The following SGK1 variants were observed in gnomAD, a reference collection of about 807,000 sequenced individuals.
SGK1 encodes the protein serine/threonine-protein kinase Sgk1.
SGK1 carries 26 observed loss-of-function variants against 64.2 expected under a neutral mutation model. That is an observed-to-expected ratio of 0.40 (90% confidence interval 0.30 to 0.56). SGK1 has a LOEUF of 0.56. SGK1 is among the 20% of genes least tolerant of loss of function. The probability of loss-of-function intolerance (pLI) is 0.38; values close to 1 mark genes in which losing one functional copy is unlikely to be tolerated. For synonymous variants in SGK1, 265 were observed against 239.7 expected, an observed-to-expected ratio of 1.11 and a Z score of -0.98; for missense variants, 519 against 645.6, an observed-to-expected ratio of 0.80 and a Z score of 2.12.
chr6:134,277,183 G>A (rs549617901), intron 1 of SGK1, among the ~76,000 whole-genome samples: 2 of 152,140 alleles, frequency 1.3e-5, no homozygotes, highest in East Asian at 1.9e-4. Flanking sequence ...ATTAGCTGGT[G>A]TGGTAGTGGG....
intron 2 of SGK1, among the ~76,000 whole-genome samples, chr6:134,234,893 A>G (rs1776339670): frequency 6.6e-6 from 1 of 152,190 alleles, no homozygotes; most frequent in African/African-American, 2.4e-5. Context: ...AGATAAATAA[A>G]TAAGACTAAT....
chr6:134,287,410 A>G (rs1220342162), intron 1 of SGK1, among the ~76,000 whole-genome samples: 4 of 149,684 alleles, frequency 2.7e-5, no homozygotes, highest in Non-Finnish European at 4.4e-5. Flanking sequence ...GGTTGTATTT[A>G]TAAGATTAAT....
At chr6:134,171,550 G>A (rs1014848913) in intron 11 of SGK1, 87 bp downstream of exon 11, 9 of 916,768 alleles carry the variant, frequency 9.8e-6, no homozygotes, top group Non-Finnish European at 1.6e-5. Context: ...ACTGGTAAGG[G>A]CAAGACACCA....
chr6:134,185,843 G>A (rs1421981001), intron 3 of SGK1, among the ~76,000 whole-genome samples: 1 of 152,050 alleles, frequency 6.6e-6, no homozygotes, highest in Non-Finnish European at 1.5e-5. Context: ...AAGGCCAAAG[G>A]CTGGAGAACC....
intron 2 of SGK1, among the ~76,000 whole-genome samples, chr6:134,235,840 G>A (rs1008077599): frequency 1.3e-5 from 2 of 152,052 alleles, no homozygotes; most frequent in Non-Finnish European, 2.9e-5. Context: ...CTCCCAAAGT[G>A]CTGGGATTAT....
chr6:134,198,598 G>C (rs941996723), intron 3 of SGK1, among the ~76,000 whole-genome samples: 1 of 151,600 alleles, frequency 6.6e-6, no homozygotes, highest in Non-Finnish European at 1.5e-5. Context: ...AAATATTTCT[G>C]TAGTCCATAT....
At position 134,264,265 on chromosome 6, in the gene SGK1, A is replaced by G. The variant is rs186919611; in HGVS notation, c.70-2117T>C. Among the ~76,000 whole-genome samples the G allele has an allele frequency of 3.6e-3, 551 of 151,636 alleles. 5 individuals carry two copies. The highest frequency in any genetic ancestry group is 0.012 in the African/African-American group (504 of 41,358). On this transcript the variant is annotated intron_variant, in intron 1 of 13. Coordinates refer to ENST00000367858, the MANE Select transcript of SGK1 (RefSeq NM_001143676.3). ...CTCCCGAGTAGCTGGGACTACAGGC[A>G]CCTGCCACCATGCCTGGCTAATTTT...
chr6:134,201,019 T>A (rs1775671639), intron 3 of SGK1, among the ~76,000 whole-genome samples: 1 of 152,038 alleles, frequency 6.6e-6, no homozygotes, highest in Non-Finnish European at 1.5e-5. Context: ...CCATAAAAAA[T>A]GACAAAAACA....
intron 1 of SGK1, among the ~76,000 whole-genome samples, chr6:134,282,652 C>CAA (rs112646041): frequency 8.4e-5 from 12 of 143,292 alleles, no homozygotes; most frequent in East Asian, 4.0e-4. Flanking sequence ...GACTCCATCT[C>CAA]AAAAAAAAAA....
At chr6:134,276,205 C>T (rs1777014957) in intron 1 of SGK1, among the ~76,000 whole-genome samples, 1 of 152,118 alleles carries the variant, frequency 6.6e-6, no homozygotes. Flanking sequence ...CTGATTGGCT[C>T]CATGCTAGGT....
In SGK1 at chr6:134,265,633, C is replaced by CACAT. The variant is rs1776843368; in HGVS notation, c.70-3486_70-3485insATGT. 2.3e-5 allele frequency among the ~76,000 whole-genome samples: 3 copies of CACAT among 127,812 alleles called. No individual in the cohort carries two copies. The Admixed American group carries it at 2.5e-4, about 11-fold the overall frequency. 83.8% of individuals were successfully genotyped at this position (127,812 alleles called of 152,430 possible). A position where few individuals can be genotyped will look rare whatever the true frequency, so the allele number is the denominator to read the frequency against. ...TTATATATATACATATATATATATA[C>CACAT]ATATATATATACACAGAAACACTAT... is the stretch of plus-strand genomic sequence containing the variant. On this transcript the variant is annotated intron_variant, in intron 1 of 13. Transcript: ENST00000367858.
chr6:134,201,978 G>T (rs2114677443), intron 3 of SGK1, among the ~76,000 whole-genome samples: 1 of 150,834 alleles, frequency 6.6e-6, no homozygotes, highest in Non-Finnish European at 1.5e-5. Context: ...CGAACTAGAA[G>T]AATATTTAAC....
At chr6:134,311,121 T>C (rs1777602523) in intron 1 of SGK1, among the ~76,000 whole-genome samples, 1 of 152,146 alleles carries the variant, frequency 6.6e-6, no homozygotes, top group Non-Finnish European at 1.5e-5. Context: ...CATTTCAGTC[T>C]TAATTTATAT....
At position 134,249,725 on chromosome 6, in the gene SGK1, T is replaced by C. The variant is rs2327501; in HGVS notation, c.285+12208A>G. On this transcript the variant is annotated intron_variant, in intron 2 of 13. Coordinates refer to ENST00000367858, the MANE Select transcript of SGK1 (RefSeq NM_001143676.3). Reference sequence around the variant, plus strand: ...GAGAGAATAAACCAAGGCTTTGCTGTGTGCTGGGAGAGGATTCAGCATTCT... The same window carrying C: ...GAGAGAATAAACCAAGGCTTTGCTGCGTGCTGGGAGAGGATTCAGCATTCT... Among the ~76,000 whole-genome samples, 1,225 of 152,316 alleles carry C rather than the reference T, an allele frequency of 8.0e-3. 5 individuals carry two copies. Among genetic ancestry groups the C allele is most frequent in the Admixed American group, 0.015 (224 of 15,290 alleles).
chr6:134,236,162 T>A (rs1776362189), intron 2 of SGK1, among the ~76,000 whole-genome samples: 1 of 152,036 alleles, frequency 6.6e-6, no homozygotes, highest in Non-Finnish European at 1.5e-5. Context: ...AGACTGTGAG[T>A]CAGTTATGAA....
intron 2 of SGK1, among the ~76,000 whole-genome samples, chr6:134,241,533 G>A (rs1256951794): frequency 5.3e-5 from 8 of 151,910 alleles, no homozygotes; most frequent in Non-Finnish European, 1.5e-5. Context: ...CTCCCTCCTC[G>A]GAATTTGTAA....
At chr6:134,317,211 T>C (rs1777699692) in intron 1 of SGK1, among the ~76,000 whole-genome samples, 181 bp downstream of exon 1, 1 of 152,030 alleles carries the variant, frequency 6.6e-6, no homozygotes, top group Admixed American at 6.6e-5. Context: ...CATAGCCCCC[T>C]GCCCCTCCTC....
chr6:134,244,496 C>T (rs1776494133), intron 2 of SGK1, among the ~76,000 whole-genome samples: 1 of 152,102 alleles, frequency 6.6e-6, no homozygotes, highest in Non-Finnish European at 1.5e-5. Flanking sequence ...TTGGGAAAAG[C>T]ATAGTATCTG....
At position 134,170,887 on chromosome 6, in the gene SGK1, G is replaced by A; in HGVS notation, c.1352C>T (p.Ser451Phe). 1 of 1,612,106 alleles carries A rather than the reference G, an allele frequency of 6.2e-7. No individual in the cohort carries two copies. The highest frequency in any genetic ancestry group is 2.2e-5 in the East Asian group (1 of 44,882). ...AATGAGATCATCCCAGTTAATTAAGGAGAAGAAGACATGACTCTTAATCTC... is the reference window on the plus strand; with the variant it reads ...AATGAGATCATCCCAGTTAATTAAGAAGAAGAAGACATGACTCTTAATCTC... The part of the protein sequence containing the change: ...FMEIKSHVFF[S>F]LINWDDLINK... Residue 451 changes from serine to phenylalanine, a missense_variant, in exon 13 of 14, where the codon TCC (serine) becomes TTC (phenylalanine). By Grantham distance (155) the Ser-to-Phe change is radical. This residue lies in a region of SGK1 where 278 missense variants were observed against 408.7 expected (regional missense o/e 0.68). Transcript: ENST00000367858.
Sources: gnomAD v4.1 joint callset for allele counts (sites outside exome capture counted in the v4.1 genomes callset) on GRCh38, gnomAD v4.1.1 for gene constraint, gnomAD v4.1.1 regional missense constraint, MANE v1.5 for transcripts, NCBI Gene and HGNC (gene_info 2026-07-23, HGNC 2026-07-21) for gene names.